The following PWWP3B variants were observed in gnomAD, a reference collection of about 807,000 sequenced individuals.
PWWP3B encodes the protein PWWP domain containing 3B, also known as PWWP domain-containing DNA repair factor 3B.
PWWP3B carries 5 observed loss-of-function variants against 15.7 expected under a neutral mutation model. The observed-to-expected ratio is 0.32, with a 90% CI of 0.17 to 0.67. The LOEUF is 0.67. PWWP3B is among the 30% of genes least tolerant of loss of function. The probability of loss-of-function intolerance (pLI) is 0.74; values close to 1 mark genes in which losing one functional copy is unlikely to be tolerated. For missense variants in PWWP3B, 519 were observed against 493.1 expected (o/e 1.05, Z -0.50); for synonymous variants, 203 against 179.8 (o/e 1.13, Z -1.03).
At chrX:106,189,474 T>C (rs1393343671) in intron 2 of PWWP3B, among the ~76,000 whole-genome samples, 4 of 110,296 alleles carry the variant, frequency 3.6e-5, no homozygotes, top group African/African-American at 1.3e-4. Context: ...AGTGAGAACA[T>C]GCAGTGTTTG....
chrX:106,182,501 A>G (rs915866941), intron 2 of PWWP3B, among the ~76,000 whole-genome samples: 1 of 111,681 alleles, frequency 9.0e-6, no homozygotes, highest in Admixed American at 9.5e-5. Flanking sequence ...CTGGGTAGAC[A>G]GAACTGGTTG....
At chrX:106,169,407 T>C (rs886229184) in intron 1 of PWWP3B, among the ~76,000 whole-genome samples, 3 of 112,291 alleles carry the variant, frequency 2.7e-5, no homozygotes, top group African/African-American at 6.5e-5. Flanking sequence ...TGATGATGTG[T>C]ATTTTCATCT....
chrX:106,172,264 A>AT (rs909149377), intron 2 of PWWP3B, among the ~76,000 whole-genome samples: 4 of 109,898 alleles, frequency 3.6e-5, no homozygotes, highest in Admixed American at 9.8e-5. Flanking sequence ...AAAAAAAAAT[A>AT]TTTTTTTAAT....
chrX:106,207,874 A>G lies in PWWP3B; in HGVS notation c.*351A>G, dbSNP rs1055549959. On this transcript the variant is annotated 3_prime_UTR_variant, in exon 4 of 4. Coordinates refer to ENST00000357175, the MANE Select transcript of PWWP3B (RefSeq NM_001171020.2). ...ATTGTGCACAATTATTTTAATGTTA[A>G]AATTGCACTGGTGTTAGATATTAAC... The G allele has an allele frequency of 2.1e-5, 3 of 142,649 alleles. No individual in the cohort carries two copies. The highest frequency in any genetic ancestry group is 6.3e-5 in the African/African-American group (2 of 31,838). The allele number at this position is 142,649 out of a possible 1,213,427, so 11.8% of individuals were successfully genotyped here.
At chrX:106,176,175 C>A (rs1921889964) in intron 2 of PWWP3B, among the ~76,000 whole-genome samples, 1 of 111,289 alleles carries the variant, frequency 9.0e-6, no homozygotes, top group African/African-American at 3.3e-5. Context: ...CTCACTGCAA[C>A]CTCCACCTCC....
rs781597490 is a variant in PWWP3B, at chrX:106,198,319, T to G, written c.-400-5666T>G. On this transcript the variant is annotated intron_variant, in intron 2 of 3. Coordinates refer to ENST00000357175, the MANE Select transcript of PWWP3B (RefSeq NM_001171020.2). ...TTTCACCACAGCTATACTTTTGTCT[T>G]TTTGAAAATGTCATATAAATGAAAT... Among the ~76,000 whole-genome samples, 9 of 111,677 alleles carry G rather than the reference T, an allele frequency of 8.1e-5. No individual in the cohort carries two copies. In the East Asian group the frequency reaches 2.3e-3, roughly 28 times the overall value.
chrX:106,170,507 T>C (rs1921561629), intron 1 of PWWP3B, among the ~76,000 whole-genome samples: 1 of 112,291 alleles, frequency 8.9e-6, no homozygotes, highest in South Asian at 3.6e-4. Context: ...GCAGTTCTGG[T>C]TCTGGTCACA....
intron 2 of PWWP3B, among the ~76,000 whole-genome samples, chrX:106,178,735 T>C (rs926492028): frequency 8.9e-6 from 1 of 112,172 alleles, no homozygotes; most frequent in African/African-American, 3.2e-5. Context: ...AAAAGCTGAT[T>C]TGAAATAATA....
chrX:106,184,075 T>G (rs1569359851), intron 2 of PWWP3B, among the ~76,000 whole-genome samples: 1 of 111,885 alleles, frequency 8.9e-6, no homozygotes, highest in Admixed American at 9.5e-5. Context: ...CCACCAAGGT[T>G]TGTTTGTCTG....
intron 2 of PWWP3B, among the ~76,000 whole-genome samples, chrX:106,193,359 A>G (rs907078161): frequency 1.5e-4 from 17 of 111,291 alleles, no homozygotes; most frequent in African/African-American, 5.6e-4. Context: ...CTAGGATTGC[A>G]ATCCCTGCCT....
intron 2 of PWWP3B, among the ~76,000 whole-genome samples, chrX:106,178,606 T>A (rs16984989): frequency 0.085 from 9,450 of 111,265 alleles, 988 homozygotes; most frequent in African/African-American, 0.29. Flanking sequence ...AGAAAAAAGA[T>A]TGAGGTAAAA....
At chrX:106,191,812 T>A (rs1391594570) in intron 2 of PWWP3B, among the ~76,000 whole-genome samples, 1 of 111,977 alleles carries the variant, frequency 8.9e-6, no homozygotes, top group Non-Finnish European at 1.9e-5. Context: ...GTGGTTTTTG[T>A]CTTTGGTTCT....
At chrX:106,199,985 C>G (rs1157289321) in intron 2 of PWWP3B, among the ~76,000 whole-genome samples, 1 of 111,682 alleles carries the variant, frequency 9.0e-6, no homozygotes, top group East Asian at 2.8e-4. Flanking sequence ...TGTTTGTCAA[C>G]CTCTGTCTCA....
intron 2 of PWWP3B, among the ~76,000 whole-genome samples, chrX:106,183,675 G>A (rs1602835838): frequency 8.9e-6 from 1 of 112,462 alleles, no homozygotes; most frequent in East Asian, 2.8e-4. Context: ...GGCTGTCCCA[G>A]GATTCCTTGG....
Position 106,205,781 on chromosome X carries a change from C to T in PWWP3B, c.349C>T (p.Leu117=). ...STSDEEEITM[L]SQNVPQKQSD... ...TTCAGATGAAGAGGAGATCACTATG[C>T]TGTCTCAAAATGTACCACAAAAACA... Residue 117 remains leucine, a synonymous_variant, in exon 4 of 4, where the codon CTG becomes TTG. Coordinates refer to ENST00000357175, the MANE Select transcript of PWWP3B (RefSeq NM_001171020.2). 8.3e-7 allele frequency: 1 copy of T among 1,211,209 alleles called. No individual in the cohort carries two copies. The highest frequency in any genetic ancestry group is 1.1e-6 in the Non-Finnish European group (1 of 895,287).
intron 2 of PWWP3B, among the ~76,000 whole-genome samples, chrX:106,189,173 A>G (rs972490561): frequency 9.0e-6 from 1 of 111,647 alleles, no homozygotes; most frequent in African/African-American, 3.3e-5. Flanking sequence ...TACTGTCTGT[A>G]TTTTATTTTA....
At chrX:106,202,695 G>A (rs1434532097) in intron 2 of PWWP3B, among the ~76,000 whole-genome samples, 1 of 111,292 alleles carries the variant, frequency 9.0e-6, no homozygotes, top group Admixed American at 9.6e-5. Context: ...ATTTCTATAC[G>A]CAGTTTTCAA....
intron 2 of PWWP3B, among the ~76,000 whole-genome samples, chrX:106,196,701 C>T (rs774501354): frequency 2.0e-4 from 22 of 111,461 alleles, no homozygotes; most frequent in Non-Finnish European, 3.6e-4. Flanking sequence ...AATAGCATTT[C>T]GTTAAGGACT....
Position 106,207,674 on chromosome X carries a change from T to C in PWWP3B, c.*151T>C, listed in dbSNP as rs377243831. ...TTGAGATCTCTAGGATCTGTGGTTA[T>C]AATTACATCTTTATTTCCTTTTCTT... On this transcript the variant is annotated 3_prime_UTR_variant, in exon 4 of 4. Coordinates refer to ENST00000357175, the MANE Select transcript of PWWP3B (RefSeq NM_001171020.2). 3.0e-5 allele frequency: 14 copies of C among 460,071 alleles called. No homozygotes were observed. The highest frequency in any genetic ancestry group is 3.0e-4 in the African/African-American group (12 of 40,073). 37.9% of individuals were successfully genotyped at this position (460,071 alleles called of 1,213,427 possible).
Sources: allele counts gnomAD v4.1 joint callset (sites outside exome capture counted in the v4.1 genomes callset), GRCh38; gene constraint gnomAD v4.1.1; transcripts MANE v1.5; gene names NCBI Gene and HGNC (gene_info 2026-07-23, HGNC 2026-07-21).